NALF1: variants seen among roughly 807,000 people sequenced by gnomAD.
NALF1 encodes the protein family with sequence similarity 155 member A.
A neutral mutation model predicts 48.4 loss-of-function variants in NALF1; 3 were observed. The observed-to-expected ratio is 0.06, with a 90% CI of 0.03 to 0.16. The LOEUF (loss-of-function observed/expected upper bound fraction) is 0.16. Ranked by LOEUF, NALF1 falls within the 10% of genes least tolerant of loss-of-function variation. The pLI is 1.00. For missense variants in NALF1, 526 were observed against 571.5 expected, an observed-to-expected ratio of 0.92 and a Z score of 0.81; for synonymous variants, 262 against 245.7, an observed-to-expected ratio of 1.07 and a Z score of -0.62.
At chr13:107,623,850 G>A (rs1039664339) in intron 1 of NALF1, among the ~76,000 whole-genome samples, 1 of 152,182 alleles carries the variant, frequency 6.6e-6, no homozygotes, top group African/African-American at 2.4e-5. Flanking sequence ...AAAGGAAAGA[G>A]CTTTGGCCCA....
At chr13:107,301,311 A>T (rs1881832937) in intron 1 of NALF1, among the ~76,000 whole-genome samples, 1 of 152,214 alleles carries the variant, frequency 6.6e-6, no homozygotes, top group Non-Finnish European at 1.5e-5. Context: ...CAGCAATCTG[A>T]TATTAAGAAT....
At chr13:107,786,136 G>C (rs973769437) in intron 1 of NALF1, among the ~76,000 whole-genome samples, 1 of 152,110 alleles carries the variant, frequency 6.6e-6, no homozygotes, top group Non-Finnish European at 1.5e-5. Flanking sequence ...AGAATTAATG[G>C]GCAGGGTGAG....
At chr13:107,700,026 A>C (rs1881783164) in intron 1 of NALF1, among the ~76,000 whole-genome samples, 5 of 152,112 alleles carry the variant, frequency 3.3e-5, no homozygotes, top group Admixed American at 3.3e-4. Flanking sequence ...ATAGGAAGCT[A>C]TCCCATGTTC....
At chr13:107,505,847 C>A (rs1182909552) in intron 1 of NALF1, among the ~76,000 whole-genome samples, 1 of 152,114 alleles carries the variant, frequency 6.6e-6, no homozygotes, top group Non-Finnish European at 1.5e-5. Context: ...GTCTTATTAT[C>A]TCCATTGTAT....
intron 1 of NALF1, among the ~76,000 whole-genome samples, chr13:107,314,610 C>G (rs1426400126): frequency 6.6e-6 from 1 of 152,112 alleles, no homozygotes; most frequent in Non-Finnish European, 1.5e-5. Flanking sequence ...CCAATTATCT[C>G]AGTATTAACA....
At chr13:107,735,259 G>A (rs1344521230) in intron 1 of NALF1, among the ~76,000 whole-genome samples, 1 of 152,174 alleles carries the variant, frequency 6.6e-6, no homozygotes, top group African/African-American at 2.4e-5. Context: ...AACTAAACCT[G>A]GGTAGTAAAG....
chr13:107,360,982 T>G (rs1415563482), intron 1 of NALF1, among the ~76,000 whole-genome samples: 2 of 152,186 alleles, frequency 1.3e-5, no homozygotes, highest in Non-Finnish European at 2.9e-5. Flanking sequence ...TAATACATCT[T>G]TTCTCCCACA....
intron 1 of NALF1, among the ~76,000 whole-genome samples, chr13:107,771,175 C>T (rs1293586764): frequency 6.6e-6 from 1 of 151,948 alleles, no homozygotes; most frequent in Non-Finnish European, 1.5e-5. Context: ...ATTAACAGAA[C>T]TTTTAAATTT....
At chr13:107,690,821 T>C (rs1224700922) in intron 1 of NALF1, among the ~76,000 whole-genome samples, 2 of 151,972 alleles carry the variant, frequency 1.3e-5, no homozygotes. Flanking sequence ...TCGTGCAGAG[T>C]TTCTAACAGT....
chr13:107,347,646 C>T (rs1423584794), intron 1 of NALF1, among the ~76,000 whole-genome samples: 1 of 152,120 alleles, frequency 6.6e-6, no homozygotes, highest in Non-Finnish European at 1.5e-5. Context: ...TCCTCATTTC[C>T]GCAATCTTGT....
intron 1 of NALF1, among the ~76,000 whole-genome samples, chr13:107,704,546 C>G (rs1213219368): frequency 6.6e-6 from 1 of 151,960 alleles, no homozygotes; most frequent in African/African-American, 2.4e-5. Flanking sequence ...ATATTGGTAC[C>G]TCACAATGCA....
chr13:107,332,824 T>G (rs752576192), intron 1 of NALF1, among the ~76,000 whole-genome samples: 1 of 152,048 alleles, frequency 6.6e-6, no homozygotes, highest in East Asian at 1.9e-4. Context: ...TACATTCTTT[T>G]TTTGTTTGTT....
At chr13:107,449,728 C>A (rs980127191) in intron 1 of NALF1, among the ~76,000 whole-genome samples, 2 of 152,108 alleles carry the variant, frequency 1.3e-5, no homozygotes, top group Non-Finnish European at 2.9e-5. Flanking sequence ...ATAATAATAG[C>A]CAATTTTCGC....
chr13:107,379,675 G>T (rs1235210957), intron 1 of NALF1, among the ~76,000 whole-genome samples: 1 of 152,146 alleles, frequency 6.6e-6, no homozygotes, highest in Non-Finnish European at 1.5e-5. Flanking sequence ...AAGCCACCTA[G>T]AGAATTCTCT....
At chr13:107,232,530 C>A (rs1020318632) in intron 1 of NALF1, among the ~76,000 whole-genome samples, 4 of 152,202 alleles carry the variant, frequency 2.6e-5, no homozygotes, top group African/African-American at 7.2e-5. Context: ...ATCATCTTAG[C>A]CAATCCTTTA....
chr13:107,608,511 GCA>G (rs1193942947), intron 1 of NALF1, among the ~76,000 whole-genome samples: 6 of 152,242 alleles, frequency 3.9e-5, no homozygotes, highest in Non-Finnish European at 2.9e-5. Context: ...TATATTACCA[GCA>G]CAGACTTTGT....
rs372077573 is a variant in NALF1 at position 107,752,620 on chromosome 13, C to CTACATTAT, written c.915+113054_915+113061dup. Among the ~76,000 whole-genome samples the CTACATTAT allele has an allele frequency of 5.1e-4, 77 of 152,246 alleles. 2 individuals carry two copies. Among genetic ancestry groups the CTACATTAT allele is most frequent in the African/African-American group, 1.7e-3 (72 of 41,570 alleles). On this transcript the variant is annotated intron_variant, in intron 1 of 2. Transcript: ENST00000375915. ...TAAGTTGGGCACAGAAAGACAAATA[C>CTACATTAT]TACATTATTTCACTTATATATGAAA...
intron 1 of NALF1, among the ~76,000 whole-genome samples, chr13:107,211,450 C>T (rs1879760445): frequency 6.6e-6 from 1 of 152,214 alleles, no homozygotes. Flanking sequence ...GTGCAAGCCA[C>T]ATCAATGTTT....
chr13:107,211,352 C>A (rs1383784805), intron 1 of NALF1, among the ~76,000 whole-genome samples: 1 of 152,176 alleles, frequency 6.6e-6, no homozygotes, highest in African/African-American at 2.4e-5. Context: ...CAGAAACACC[C>A]GACATAGAGC....
Sources: allele counts gnomAD v4.1 joint callset (sites outside exome capture counted in the v4.1 genomes callset), GRCh38; gene constraint gnomAD v4.1.1; transcripts MANE v1.5; gene names NCBI Gene and HGNC (gene_info 2026-07-23, HGNC 2026-07-21).